The following SDK1 variants were observed in gnomAD, a reference collection of about 807,000 sequenced individuals.
SDK1 encodes the protein protein sidekick-1.
Under a neutral mutation model 245.5 loss-of-function variants are expected in SDK1, and 157 were observed. That is an observed-to-expected ratio of 0.64 (90% confidence interval 0.56 to 0.73). The LOEUF (loss-of-function observed/expected upper bound fraction) is 0.73, where lower values mean the gene tolerates loss of function less well. Ranked by LOEUF, SDK1 falls within the 30% of genes least tolerant of loss-of-function variation. The probability of loss-of-function intolerance (pLI) is 0.00; values close to 1 mark genes in which losing one functional copy is unlikely to be tolerated. For synonymous variants in SDK1, 1,647 were observed against 1,278.5 expected (o/e 1.29, Z -6.15); for missense variants, 3,583 against 3,002.3 (o/e 1.19, Z -4.52).
chr7:3,791,745 C>T (rs573017702), intron 4 of SDK1, among the ~76,000 whole-genome samples: 56 of 152,142 alleles, frequency 3.7e-4, no homozygotes, highest in Middle Eastern at 3.2e-3. Flanking sequence ...GTGATCTGTT[C>T]GGAGAGTGCT....
At chr7:3,487,503 A>T (rs901275055) in intron 1 of SDK1, among the ~76,000 whole-genome samples, 2 of 152,108 alleles carry the variant, frequency 1.3e-5, no homozygotes, top group Admixed American at 1.3e-4. Flanking sequence ...GCACTTTAGG[A>T]GGCCAAGGTA....
At chr7:3,965,797 G>A (rs762329109) in intron 9 of SDK1, among the ~76,000 whole-genome samples, 26 of 152,076 alleles carry the variant, frequency 1.7e-4, no homozygotes, top group Non-Finnish European at 2.9e-4. Flanking sequence ...TGTGGCTGCC[G>A]GGTGGGGCTT....
chr7:3,791,263 G>C (rs1016383798), intron 4 of SDK1, among the ~76,000 whole-genome samples: 4 of 152,152 alleles, frequency 2.6e-5, no homozygotes, highest in Non-Finnish European at 5.9e-5. Flanking sequence ...TGCTGGACTA[G>C]ATGAATCCGC....
intron 4 of SDK1, among the ~76,000 whole-genome samples, chr7:3,726,802 C>G (rs1779021297): frequency 6.6e-6 from 1 of 152,166 alleles, no homozygotes; most frequent in Non-Finnish European, 1.5e-5. Context: ...GGCTTTATTC[C>G]TCTATTAAAT....
chr7:3,951,658 G>T lies in SDK1; in HGVS notation c.960-72G>T, dbSNP rs1780843987. On this transcript the variant is annotated intron_variant, in intron 6 of 44. Coordinates refer to ENST00000404826, the MANE Select transcript of SDK1 (RefSeq NM_152744.4). ...ATTAGCTTCGTCAAGCCTGTGCCGAGTGCCTGAGATGATGACCGTTGCCAC... is the reference window on the plus strand; with the variant it reads ...ATTAGCTTCGTCAAGCCTGTGCCGATTGCCTGAGATGATGACCGTTGCCAC... 3 of 1,392,332 alleles carry T rather than the reference G, an allele frequency of 2.2e-6. No individual in the cohort carries two copies. The African/African-American group carries it at 4.2e-5, about 20-fold the overall frequency. The allele number at this position is 1,392,332 out of a possible 1,614,324, so 86.2% of individuals were successfully genotyped here.
chr7:3,466,995 C>CACAT (rs1781025319), intron 1 of SDK1, among the ~76,000 whole-genome samples: 1 of 141,372 alleles, frequency 7.1e-6, no homozygotes, highest in Non-Finnish European at 1.5e-5. Flanking sequence ...CACACACACA[C>CACAT]ACACACACAC....
intron 1 of SDK1, among the ~76,000 whole-genome samples, chr7:3,502,187 A>C (rs1035848882): frequency 6.6e-6 from 1 of 152,036 alleles, no homozygotes; most frequent in African/African-American, 2.4e-5. Context: ...TTTTGACATT[A>C]GTAAAATTTT....
In SDK1 at chr7:4,103,571, C is replaced by T. The variant is rs183847475; in HGVS notation, c.3325-7092C>T. On this transcript the variant is annotated intron_variant, in intron 22 of 44. Transcript: ENST00000404826. ...TAAGTGTAGTTACATTTTTGGTGATCATCTGTTTTGGAGCTCCGTGTAAAG... is the reference window on the plus strand; with the variant it reads ...TAAGTGTAGTTACATTTTTGGTGATTATCTGTTTTGGAGCTCCGTGTAAAG... Among the ~76,000 whole-genome samples the T allele has an allele frequency of 8.1e-4, 124 of 152,314 alleles. 1 individual carries two copies. The East Asian group carries it at 0.02, about 25-fold the overall frequency.
At chr7:4,025,281 C>T (rs1787249697) in intron 17 of SDK1, among the ~76,000 whole-genome samples, 1 of 152,244 alleles carries the variant, frequency 6.6e-6, no homozygotes, top group African/African-American at 2.4e-5. Flanking sequence ...GAAAAAGCTT[C>T]CGCCGAACAG....
intron 12 of SDK1, among the ~76,000 whole-genome samples, chr7:3,973,712 G>A (rs1475378290): frequency 6.6e-6 from 1 of 152,186 alleles, no homozygotes; most frequent in African/African-American, 2.4e-5. Flanking sequence ...ATAGGTGACA[G>A]GTATGCCCGT....
In SDK1 at chr7:4,115,565, G is replaced by A. The variant is rs535047592; in HGVS notation, c.3823+1291G>A. 4.6e-5 allele frequency among the ~76,000 whole-genome samples: 7 copies of A among 152,294 alleles called. No individual in the cohort carries two copies. The South Asian group carries it at 8.3e-4, about 18-fold the overall frequency. On this transcript the variant is annotated intron_variant, in intron 25 of 44. Transcript: ENST00000404826. ...CATTGTTTTTGCTGTCGTAGACATG[G>A]CTCTGTTTCCTGGAGACAGCTCCTG...
chr7:3,411,944 C>T (rs921494366), intron 1 of SDK1, among the ~76,000 whole-genome samples: 8 of 151,972 alleles, frequency 5.3e-5, no homozygotes, highest in Non-Finnish European at 7.4e-5. Context: ...GATTTCCAAA[C>T]AGAATTAGCA....
intron 1 of SDK1, among the ~76,000 whole-genome samples, chr7:3,392,270 C>T (rs988585161): frequency 6.6e-6 from 1 of 152,078 alleles, no homozygotes; most frequent in African/African-American, 2.4e-5. Context: ...AGAAATGTAT[C>T]ATTATTAACT....
At chr7:4,165,528 C>A (rs1396636021) in intron 32 of SDK1, among the ~76,000 whole-genome samples, 1 of 152,078 alleles carries the variant, frequency 6.6e-6, no homozygotes, top group Non-Finnish European at 1.5e-5. Context: ...CTCCTTCTGT[C>A]TTCCAGGGTG....
At chr7:3,571,723 G>T (rs375251337) in intron 1 of SDK1, among the ~76,000 whole-genome samples, 1 of 152,060 alleles carries the variant, frequency 6.6e-6, no homozygotes, top group Non-Finnish European at 1.5e-5. Flanking sequence ...ATCATGTGAG[G>T]AGCTCAATGA....
chr7:3,631,096 G>C (rs1484555761), intron 2 of SDK1, among the ~76,000 whole-genome samples: 3 of 152,014 alleles, frequency 2.0e-5, no homozygotes, highest in Non-Finnish European at 4.4e-5. Context: ...GCCACGCCTG[G>C]TTAATTTTTG....
chr7:3,884,013 C>T, intron 5 of SDK1, among the ~76,000 whole-genome samples: 1 of 151,968 alleles, frequency 6.6e-6, no homozygotes, highest in East Asian at 1.9e-4. Flanking sequence ...ATATTTAAAA[C>T]TTTACACAAT....
chr7:3,406,463 G>A (rs1162045522), intron 1 of SDK1, among the ~76,000 whole-genome samples: 1 of 152,116 alleles, frequency 6.6e-6, no homozygotes, highest in Non-Finnish European at 1.5e-5. Flanking sequence ...GCATATGATT[G>A]TCAAGAACAG....
At chr7:3,583,808 T>C (rs1780594083) in intron 1 of SDK1, among the ~76,000 whole-genome samples, 1 of 149,216 alleles carries the variant, frequency 6.7e-6, no homozygotes, top group Non-Finnish European at 1.5e-5. Context: ...TCTGCAACAG[T>C]AGAATTTATT....
Sources: gnomAD v4.1 joint callset for allele counts (sites outside exome capture counted in the v4.1 genomes callset) on GRCh38, gnomAD v4.1.1 for gene constraint, MANE v1.5 for transcripts, NCBI Gene and HGNC (gene_info 2026-07-23, HGNC 2026-07-21) for gene names.